The following SLC44A5 variants were observed in gnomAD, a reference collection of about 807,000 sequenced individuals.
The protein encoded by SLC44A5 is choline transporter-like protein 5.
A neutral mutation model predicts 101.8 loss-of-function variants in SLC44A5; 57 were observed. The ratio of observed to expected loss-of-function variants is 0.56; its 90% CI spans 0.45 to 0.70. SLC44A5 has a LOEUF of 0.70. SLC44A5 is among the 30% of genes least tolerant of loss of function. The probability of loss-of-function intolerance (pLI) is 0.00; values close to 1 mark genes in which losing one functional copy is unlikely to be tolerated. For synonymous variants in SLC44A5, 281 were observed against 290.9 expected (o/e 0.97, Z 0.35); for missense variants, 737 against 853.1 (o/e 0.86, Z 1.70).
At chr1:75,467,528 C>T (rs1379324040) in intron 2 of SLC44A5, among the ~76,000 whole-genome samples, 2 of 152,096 alleles carry the variant, frequency 1.3e-5, no homozygotes, top group Non-Finnish European at 2.9e-5. Flanking sequence ...AATAAATCTA[C>T]ACACCTACAG....
chr1:75,516,449 G>A (rs867820064), intron 2 of SLC44A5, among the ~76,000 whole-genome samples: 19 of 152,072 alleles, frequency 1.2e-4, no homozygotes, highest in African/African-American at 3.6e-4. Context: ...CCTGGGAGGC[G>A]GAGCTTGCAG....
At chr1:75,588,871 T>C (rs905582672) in intron 1 of SLC44A5, among the ~76,000 whole-genome samples, 1 of 152,214 alleles carries the variant, frequency 6.6e-6, no homozygotes, top group Non-Finnish European at 1.5e-5. Context: ...TACAGTCTAG[T>C]AGAGAAGAAA....
the SLC44A5 span, among the ~76,000 whole-genome samples, chr1:75,631,539 ATTTTTTTTTT>A: frequency 2.0e-4 from 16 of 80,850 alleles, no homozygotes; most frequent in Non-Finnish European, 3.3e-4. Flanking sequence ...CACCTGGCTA[ATTTTTTTTTT>A]TTTTTTTTTT....
chr1:75,403,265 G>T (rs562641165), intron 2 of SLC44A5, among the ~76,000 whole-genome samples: 1 of 152,320 alleles, frequency 6.6e-6, no homozygotes, highest in South Asian at 2.1e-4. Context: ...AGCTGCGGGC[G>T]CAGCTTCAGC....
At chr1:75,424,739 T>C (rs978635895) in intron 2 of SLC44A5, among the ~76,000 whole-genome samples, 8 of 152,148 alleles carry the variant, frequency 5.3e-5, no homozygotes, top group Non-Finnish European at 4.4e-5. Context: ...AATATCAAAA[T>C]GTCAAGAGTT....
intron 3 of SLC44A5, among the ~76,000 whole-genome samples, chr1:75,395,154 T>C (rs1386702219): frequency 6.6e-6 from 1 of 152,112 alleles, no homozygotes; most frequent in Non-Finnish European, 1.5e-5. Context: ...ATAAACCTTG[T>C]GAGAAAGATG....
Position 75,597,449 on chromosome 1 carries a change from T to C in SLC44A5, c.-70+13591A>G, listed in dbSNP as rs189621867. On this transcript the variant is annotated intron_variant, in intron 1 of 23. Transcript: ENST00000370859. The stretch of plus-strand genomic sequence containing the variant: ...TTCTTCACTGAAATAGAAAAAAATT[T>C]CAAAATTCATATAGAACCAAAAAAG... Among the ~76,000 whole-genome samples, 868 of 152,088 alleles carry C rather than the reference T, an allele frequency of 5.7e-3. 15 individuals are homozygous for C. Among genetic ancestry groups the C allele is most frequent in the Admixed American group, 0.035 (532 of 15,262 alleles).
chr1:75,697,604 C>A, the SLC44A5 span, among the ~76,000 whole-genome samples: 1 of 152,080 alleles, frequency 6.6e-6, no homozygotes, highest in Non-Finnish European at 1.5e-5. Flanking sequence ...CTGAGCAACA[C>A]GGCGAAACTG....
intron 2 of SLC44A5, among the ~76,000 whole-genome samples, chr1:75,447,403 T>C (rs947529723): frequency 6.6e-6 from 1 of 152,182 alleles, no homozygotes; most frequent in African/African-American, 2.4e-5. Flanking sequence ...TACTTCTAGC[T>C]TCTAATACTT....
the SLC44A5 span, among the ~76,000 whole-genome samples, chr1:75,656,202 C>G: frequency 6.6e-6 from 1 of 152,246 alleles, no homozygotes; most frequent in East Asian, 1.9e-4. Flanking sequence ...CTTTCTCAGG[C>G]AAACAAAAGC....
intron 1 of SLC44A5, among the ~76,000 whole-genome samples, chr1:75,565,500 T>C (rs1672742453): frequency 6.6e-6 from 1 of 152,252 alleles, no homozygotes; most frequent in Admixed American, 6.5e-5. Context: ...TGTATCTATA[T>C]CAGAGTCTTT....
chr1:75,545,444 CTT>C (rs1671593878), intron 1 of SLC44A5, among the ~76,000 whole-genome samples: 1 of 152,050 alleles, frequency 6.6e-6, no homozygotes, highest in African/African-American at 2.4e-5. Flanking sequence ...AAGAATGTCC[CTT>C]TGGTTCTGTA....
At chr1:75,568,787 G>A (rs909941453) in intron 1 of SLC44A5, among the ~76,000 whole-genome samples, 3 of 152,018 alleles carry the variant, frequency 2.0e-5, no homozygotes, top group Non-Finnish European at 4.4e-5. Context: ...AAAGCACAAC[G>A]TTTTCTCATA....
chr1:75,617,666 C>T, the SLC44A5 span, among the ~76,000 whole-genome samples: 3 of 152,098 alleles, frequency 2.0e-5, no homozygotes, highest in Non-Finnish European at 4.4e-5. Flanking sequence ...AAACAAAGAA[C>T]ATGTTTCTTT....
At chr1:75,615,809 G>C, upstream of SLC44A5, 2 of 963,534 alleles carry the variant, frequency 2.1e-6, no homozygotes, top group Non-Finnish European at 2.5e-6. Context: ...CAGAGGGCGG[G>C]TGAGAGAGGG....
chr1:75,626,695 A>G, the SLC44A5 span, among the ~76,000 whole-genome samples: 2 of 152,038 alleles, frequency 1.3e-5, no homozygotes, highest in Non-Finnish European at 2.9e-5. Context: ...CTGTTCTAGC[A>G]ACGCCACTTT....
chr1:75,333,302 G>A (rs960170191), intron 4 of SLC44A5, among the ~76,000 whole-genome samples: 7 of 152,032 alleles, frequency 4.6e-5, no homozygotes, highest in African/African-American at 1.4e-4. Flanking sequence ...TCTAAATCTG[G>A]CATTTACATT....
intron 4 of SLC44A5, among the ~76,000 whole-genome samples, chr1:75,320,532 T>C (rs1336087545): frequency 6.6e-6 from 1 of 152,116 alleles, no homozygotes; most frequent in Non-Finnish European, 1.5e-5. Flanking sequence ...GATATATACA[T>C]ATTGTGCCTT....
intron 5 of SLC44A5, among the ~76,000 whole-genome samples, chr1:75,299,471 G>A (rs1654245262): frequency 6.6e-6 from 1 of 152,136 alleles, no homozygotes; most frequent in South Asian, 2.1e-4. Context: ...CTCCAGTTAG[G>A]ATATAACTTT....
Sources: allele counts gnomAD v4.1 joint callset (sites outside exome capture counted in the v4.1 genomes callset), GRCh38; gene constraint gnomAD v4.1.1; transcripts MANE v1.5; gene names NCBI Gene and HGNC (gene_info 2026-07-23, HGNC 2026-07-21).